BHMT: variants seen among roughly 807,000 people sequenced by gnomAD.
BHMT encodes the protein betaine--homocysteine S-methyltransferase.
In BHMT, 38 loss-of-function variants were observed where a neutral mutation model predicts 49.5. That is an observed-to-expected ratio of 0.77 (90% confidence interval 0.59 to 1.01). The LOEUF (loss-of-function observed/expected upper bound fraction) is 1.01, where lower values mean the gene tolerates loss of function less well. BHMT is among the 50% of genes least tolerant of loss of function. The pLI is 0.00. For missense variants in BHMT, 426 were observed against 495.7 expected (o/e 0.86, Z 1.34); for synonymous variants, 166 against 176.3 (o/e 0.94, Z 0.46).
chr5:79,113,333 G>A (rs1329294871), intron 1 of BHMT, among the ~76,000 whole-genome samples: 1 of 152,032 alleles, frequency 6.6e-6, no homozygotes, highest in African/African-American at 2.4e-5. Context: ...CATTCTCATA[G>A]CCACGTAAGT....
intron 3 of BHMT, 57 bp from the exon 4 acceptor site, chr5:79,120,293 A>G (rs1425790861): frequency 2.0e-5 from 28 of 1,422,768 alleles, no homozygotes; most frequent in Non-Finnish European, 2.6e-5. Flanking sequence ...TTTGAATAAT[A>G]ATTTTATTTC....
Position 79,120,421 on chromosome 5 carries a change from A to G in BHMT, c.357A>G (p.Ala119=). 1 of 1,614,118 alleles carries G rather than the reference A, an allele frequency of 6.2e-7. No individual in the cohort carries two copies. The highest frequency in any genetic ancestry group is 1.1e-5 in the South Asian group (1 of 91,048). Residue 119 remains alanine (A), a synonymous_variant, in exon 4 of 8, where the codon GCA becomes GCG. Transcript: ENST00000274353. ...QVADEGDALV[A]GGVSQTPSYL... is the part of the protein sequence containing the mutation. ...CTGATGAAGGAGATGCTTTGGTAGC[A>G]GGAGGAGTGAGTCAGACACCTTCAT...
At chr5:79,113,017 A>T (rs759566867) in intron 1 of BHMT, among the ~76,000 whole-genome samples, 13 of 152,244 alleles carry the variant, frequency 8.5e-5, no homozygotes, top group Non-Finnish European at 1.6e-4. Context: ...AGAAAGGTCC[A>T]GCTCTCATCC....
intron 6 of BHMT, 58 bp downstream of exon 6, chr5:79,126,286 C>A: frequency 6.4e-7 from 1 of 1,561,784 alleles, no homozygotes; most frequent in South Asian, 1.1e-5. Flanking sequence ...CATATAAACT[C>A]AAGTAAATCT....
chr5:79,126,124 T>G lies in BHMT; in HGVS notation c.704T>G (p.Leu235Trp). Residue 235 changes from leucine (L) to tryptophan (W), a missense_variant, in exon 6 of 8, where the codon TTG (leucine) becomes TGG (tryptophan). Leu to Trp is a moderately conservative substitution (Grantham distance 61, BLOSUM62 -2). Transcript: ENST00000274353. ...ACAGTGAAGCTCATGAAGGAGGGCT[T>G]GGAGGCTGCCCGACTGAAAGCTCAC... is the stretch of plus-strand genomic sequence containing the variant. Reference protein sequence around the residue: ...LKTVKLMKEGLEAARLKAHLM... With the variant: ...LKTVKLMKEGWEAARLKAHLM... 3 of 1,613,516 alleles carry G rather than the reference T, an allele frequency of 1.9e-6. No homozygotes were observed. The highest frequency in any genetic ancestry group is 2.5e-6 in the Non-Finnish European group (3 of 1,179,472).
At chr5:79,116,173 C>G in intron 2 of BHMT, 1 of 241,490 alleles carries the variant, frequency 4.1e-6, no homozygotes, top group Non-Finnish European at 7.8e-6. Context: ...GTATCTGCAG[C>G]GCTTTTGTAA....
At position 79,121,310 on chromosome 5, in the gene BHMT, A is replaced by T. The variant is rs1462737949; in HGVS notation, c.570A>T (p.Glu190Asp). 6.2e-7 allele frequency: 1 copy of T among 1,614,080 alleles called. No homozygotes were observed. Among genetic ancestry groups the T allele is most frequent in the Non-Finnish European group, 8.5e-7 (1 of 1,180,016 alleles). The stretch of plus-strand genomic sequence containing the variant: ...CAGCAACCATGTGCATTGGCCCAGA[A>T]GGAGATTTGCATGGCGTGCCCCCCG... ...PVAATMCIGPEGDLHGVPPGE... is the reference protein window; with the variant it reads ...PVAATMCIGPDGDLHGVPPGE... Residue 190 changes from glutamate (E) to aspartate (D), a missense_variant, in exon 5 of 8, where the codon GAA (glutamate) becomes GAT (aspartate). Glu to Asp is a conservative substitution (Grantham distance 45). This residue lies in a region of BHMT where 321 missense variants were observed against 355.9 expected (regional missense o/e 0.90). Coordinates refer to ENST00000274353, the MANE Select transcript of BHMT (RefSeq NM_001713.3).
At chr5:79,126,688 G>T (rs971468425) in intron 6 of BHMT, among the ~76,000 whole-genome samples, 2 of 152,072 alleles carry the variant, frequency 1.3e-5, no homozygotes, top group Non-Finnish European at 2.9e-5. Flanking sequence ...TTTTAATATG[G>T]CTCAGCTACT....
rs185253715 is a variant in BHMT at position 79,127,279 on chromosome 5, G to C, written c.809-476G>C. On this transcript the variant is annotated intron_variant, in intron 6 of 7. Transcript: ENST00000274353. ...TGGGAGTTAGTGTCAGTTTCTTGCT[G>C]TCTGTTGACTGGGGGCCTCAGTTCC... is the stretch of plus-strand genomic sequence containing the variant. Among the ~76,000 whole-genome samples, 12 of 152,284 alleles carry C rather than the reference G, an allele frequency of 7.9e-5. No homozygotes were observed. The East Asian group carries it at 2.3e-3, about 29-fold the overall frequency.
At chr5:79,122,315 G>T (rs183176817) in intron 5 of BHMT, among the ~76,000 whole-genome samples, 1 of 152,092 alleles carries the variant, frequency 6.6e-6, no homozygotes, top group Non-Finnish European at 1.5e-5. Flanking sequence ...CTCCAAGAAG[G>T]TGATGTGGTG....
intron 1 of BHMT, among the ~76,000 whole-genome samples, chr5:79,112,235 C>T (rs1352224108): frequency 6.6e-6 from 1 of 152,218 alleles, no homozygotes; most frequent in East Asian, 1.9e-4. Context: ...GACCCAAAGG[C>T]ACCCTCTGAG....
Position 79,126,376 on chromosome 5 carries a change from C to A in BHMT, c.808+148C>A. On this transcript the variant is annotated intron_variant, in intron 6 of 7. Coordinates refer to ENST00000274353, the MANE Select transcript of BHMT (RefSeq NM_001713.3). ...TTGTCCCTGGTTTCTGTCCCTGCAG[C>A]CAAAAGCCCCTTCGTATTAGAGAAG... The A allele has an allele frequency of 8.1e-6, 7 of 858,926 alleles. No homozygotes were observed. In the South Asian group the frequency reaches 1.3e-4, roughly 16 times the overall value. 53.2% of individuals were successfully genotyped at this position (858,926 alleles called of 1,614,324 possible).
chr5:79,126,471 T>G (rs936827230), intron 6 of BHMT, among the ~76,000 whole-genome samples: 7 of 152,110 alleles, frequency 4.6e-5, no homozygotes, highest in Non-Finnish European at 7.3e-5. Context: ...CTAAGGTGAA[T>G]CAGCATCTAA....
At chr5:79,125,273 T>C (rs1392223489) in intron 5 of BHMT, among the ~76,000 whole-genome samples, 2 of 151,888 alleles carry the variant, frequency 1.3e-5, no homozygotes, top group African/African-American at 2.4e-5. Flanking sequence ...CTGGCCAACA[T>C]GGTGAAACCC....
intron 7 of BHMT, among the ~76,000 whole-genome samples, chr5:79,130,721 G>A (rs1209964441): frequency 6.4e-5 from 2 of 31,330 alleles, no homozygotes; most frequent in Non-Finnish European, 1.6e-4. Context: ...ATATAAATTC[G>A]TAGTCAGGAA....
intron 2 of BHMT, among the ~76,000 whole-genome samples, chr5:79,117,027 A>G (rs951832907): frequency 6.6e-6 from 1 of 152,218 alleles, no homozygotes; most frequent in African/African-American, 2.4e-5. Context: ...GAAGAGTTTG[A>G]GGAATCTGCC....
intron 1 of BHMT, among the ~76,000 whole-genome samples, chr5:79,112,608 T>C (rs1468668098): frequency 6.6e-6 from 1 of 152,238 alleles, no homozygotes; most frequent in African/African-American, 2.4e-5. Flanking sequence ...AAAAATGTCA[T>C]CCGAAATGTC....
At chr5:79,128,127 T>A in intron 7 of BHMT, 144 bp downstream of exon 7, 1 of 983,198 alleles carries the variant, frequency 1.0e-6, no homozygotes, top group Admixed American at 2.7e-5. Context: ...TTACAAAGCA[T>A]CCTTATTAGG....
At position 79,111,842 on chromosome 5, in the gene BHMT, G is replaced by C; in HGVS notation, c.-44G>C. ...GCTGCGCAGCGGGAAGGCTCGCCTA[G>C]TCGGTCCGCATCCGTGTCGACCACC... On this transcript the variant is annotated 5_prime_UTR_variant, in exon 1 of 8. Transcript: ENST00000274353. 4 of 1,610,026 alleles carry C rather than the reference G, an allele frequency of 2.5e-6. No individual in the cohort carries two copies. Among genetic ancestry groups the C allele is most frequent in the Non-Finnish European group, 2.5e-6 (3 of 1,178,332 alleles).
Sources: allele counts gnomAD v4.1 joint callset (sites outside exome capture counted in the v4.1 genomes callset), GRCh38; gene constraint gnomAD v4.1.1; regional missense constraint gnomAD v4.1.1; transcripts MANE v1.5; gene names NCBI Gene and HGNC (gene_info 2026-07-23, HGNC 2026-07-21).